Variants in PRKD1 observed in about 807,000 individuals in gnomAD.
The protein encoded by PRKD1 is protein kinase D1, also known as serine/threonine-protein kinase D1.
In PRKD1, 63 loss-of-function variants were observed where a neutral mutation model predicts 95.9. That is an observed-to-expected ratio of 0.66 (90% CI 0.54 to 0.81). PRKD1 has a LOEUF of 0.81. Ranked by LOEUF, PRKD1 falls within the 30% of genes least tolerant of loss-of-function variation. PRKD1 has a pLI of 0.00. For synonymous variants in PRKD1, 425 were observed against 423.1 expected (o/e 1.00, Z -0.05); for missense variants, 1,048 against 1,165.3 (o/e 0.90, Z 1.47).
Position 29,636,387 on chromosome 14 carries a change from C to G in PRKD1, c.1093G>C (p.Val365Leu). The change falls in exon 7 of 18, where the codon GTC becomes CTC. Residue 365 changes from valine (V) to leucine (L), a missense_variant. Val to Leu is a conservative substitution (Grantham distance 32, BLOSUM62 1). Coordinates refer to ENST00000331968, the MANE Select transcript of PRKD1 (RefSeq NM_002742.3). ...GLMDDMEEAM[V>L]QDAEMAMAEC... ...GCCATTGCCATCTCTGCATCTTGGA[C>G]CATTGCTTCTTCCATATCATCCATG... is the stretch of plus-strand genomic sequence containing the variant. The G allele has an allele frequency of 6.2e-7, 1 of 1,614,146 alleles. No individual in the cohort carries two copies. The highest frequency in any genetic ancestry group is 8.5e-7 in the Non-Finnish European group (1 of 1,180,038).
At chr14:29,710,481 G>A (rs1336985050) in intron 2 of PRKD1, among the ~76,000 whole-genome samples, 1 of 152,078 alleles carries the variant, frequency 6.6e-6, no homozygotes. Context: ...CCAGATTGGT[G>A]ACCATTCTAC....
chr14:29,633,261 G>A (rs1880150155), intron 8 of PRKD1, among the ~76,000 whole-genome samples: 1 of 152,198 alleles, frequency 6.6e-6, no homozygotes, highest in Admixed American at 6.5e-5. Flanking sequence ...TTCACTGCTT[G>A]AAGGGCTAAA....
chr14:29,604,197 T>C (rs1184860485), intron 13 of PRKD1, among the ~76,000 whole-genome samples: 2 of 152,222 alleles, frequency 1.3e-5, no homozygotes, highest in African/African-American at 4.8e-5. Flanking sequence ...TCTTTAATAT[T>C]GGTATCTAAG....
intron 1 of PRKD1, among the ~76,000 whole-genome samples, chr14:29,871,824 T>A (rs1893119739): frequency 6.6e-6 from 1 of 152,298 alleles, no homozygotes; most frequent in Admixed American, 6.5e-5. Flanking sequence ...ATTAACCTAC[T>A]TTCCAAAAGA....
intron 9 of PRKD1, 24 bp downstream of exon 9, chr14:29,632,845 T>C: frequency 6.3e-7 from 1 of 1,575,644 alleles, no homozygotes; most frequent in Non-Finnish European, 8.7e-7. Flanking sequence ...GGTATGAAAC[T>C]ACAAAGAAAG....
At chr14:29,796,172 A>C (rs1226681195) in intron 1 of PRKD1, among the ~76,000 whole-genome samples, 1 of 152,156 alleles carries the variant, frequency 6.6e-6, no homozygotes, top group Non-Finnish European at 1.5e-5. Context: ...TAAATATGAA[A>C]TAGCAATCAA....
At chr14:29,611,730 A>G (rs8021268) in intron 13 of PRKD1, among the ~76,000 whole-genome samples, 7,957 of 139,474 alleles carry the variant, frequency 0.057, 499 homozygotes, top group South Asian at 0.19. Context: ...AGAATATTAA[A>G]AGTGTGAATT....
At chr14:29,832,079 T>C (rs144909039) in intron 1 of PRKD1, among the ~76,000 whole-genome samples, 290 of 152,286 alleles carry the variant, frequency 1.9e-3, no homozygotes, top group African/African-American at 6.2e-3. Context: ...TCCTTAGGCT[T>C]ATCTGCAGAA....
At position 29,593,364 on chromosome 14, in the gene PRKD1, A is replaced by T. The variant is rs569196297; in HGVS notation, c.2434+4127T>A. ...CTATTTTTATAAAGGACATCTGTTA[A>T]TGCTTTTGTGATTGTTTTTAGCCTA... On this transcript the variant is annotated intron_variant, in intron 16 of 17. Transcript: ENST00000331968. 2.0e-4 allele frequency among the ~76,000 whole-genome samples: 30 copies of T among 152,292 alleles called. No homozygotes were observed. The South Asian group carries it at 4.3e-3, about 22-fold the overall frequency.
chr14:29,737,369 G>T (rs1432468889), intron 1 of PRKD1, among the ~76,000 whole-genome samples: 2 of 129,014 alleles, frequency 1.6e-5, no homozygotes, highest in Admixed American at 7.7e-5. Context: ...AAAATACTCT[G>T]CCAGTTTACT....
chr14:29,745,068 C>G (rs1266499582), intron 1 of PRKD1, among the ~76,000 whole-genome samples: 1 of 152,118 alleles, frequency 6.6e-6, no homozygotes, highest in Non-Finnish European at 1.5e-5. Flanking sequence ...CCTCCACCAC[C>G]CCGGGATTGC....
At position 29,760,740 on chromosome 14, in the gene PRKD1, C is replaced by G. The variant is rs564512316; in HGVS notation, c.265-35066G>C. ...CACCTAGTAGCTCCATTCTACCAGG[C>G]CTTACAACACAAGTCACTCCACTTT... On this transcript the variant is annotated intron_variant, in intron 1 of 17. Transcript: ENST00000331968. Among the ~76,000 whole-genome samples, 10 of 152,270 alleles carry G rather than the reference C, an allele frequency of 6.6e-5. No homozygotes were observed. In the South Asian group the frequency reaches 2.1e-3, roughly 32 times the overall value.
chr14:29,721,053 T>A (rs1056647541), intron 2 of PRKD1, among the ~76,000 whole-genome samples: 1 of 152,172 alleles, frequency 6.6e-6, no homozygotes, highest in Non-Finnish European at 1.5e-5. Flanking sequence ...ATCAACTACA[T>A]CAAAATGGTT....
At chr14:29,735,050 T>C (rs371168394) in intron 1 of PRKD1, among the ~76,000 whole-genome samples, 8 of 152,208 alleles carry the variant, frequency 5.3e-5, no homozygotes, top group Admixed American at 1.3e-4. Flanking sequence ...ATTTTATAAA[T>C]TTTGTATTGT....
chr14:29,773,207 T>C (rs1346072877), intron 1 of PRKD1, among the ~76,000 whole-genome samples: 1 of 152,178 alleles, frequency 6.6e-6, no homozygotes, highest in Admixed American at 6.5e-5. Flanking sequence ...ATGCCTGTAA[T>C]CCCAGCACTT....
intron 7 of PRKD1, among the ~76,000 whole-genome samples, chr14:29,635,754 A>G (rs571665022): frequency 1.4e-4 from 21 of 152,306 alleles, no homozygotes; most frequent in African/African-American, 4.8e-4. Flanking sequence ...CAGCAGTCCA[A>G]TTTGCTCTGG....
intron 13 of PRKD1, among the ~76,000 whole-genome samples, chr14:29,615,591 C>T (rs1594364006): frequency 6.6e-6 from 1 of 152,228 alleles, no homozygotes; most frequent in African/African-American, 2.4e-5. Context: ...CTCCCTGATT[C>T]CAACGCTCTG....
At chr14:29,789,830 A>G (rs1388012826) in intron 1 of PRKD1, among the ~76,000 whole-genome samples, 1 of 152,008 alleles carries the variant, frequency 6.6e-6, no homozygotes, top group Admixed American at 6.5e-5. Context: ...CAAATGACAC[A>G]TGAGTGTCAG....
At chr14:29,664,847 A>G (rs1882394807) in intron 3 of PRKD1, among the ~76,000 whole-genome samples, 1 of 152,204 alleles carries the variant, frequency 6.6e-6, no homozygotes, top group Non-Finnish European at 1.5e-5. Context: ...ATGCAGATAC[A>G]TGTTCCAGCT....
Sources: allele counts gnomAD v4.1 joint callset (sites outside exome capture counted in the v4.1 genomes callset), GRCh38; gene constraint gnomAD v4.1.1; transcripts MANE v1.5; gene names NCBI Gene and HGNC (gene_info 2026-07-23, HGNC 2026-07-21).